The following GRXCR2 variants were observed in gnomAD, a reference collection of about 807,000 sequenced individuals.
The protein encoded by GRXCR2 is glutaredoxin domain-containing cysteine-rich protein 2.
Under a neutral mutation model 24.8 loss-of-function variants are expected in GRXCR2, and 23 were observed. That is an observed-to-expected ratio of 0.93 (90% CI 0.67 to 1.32). GRXCR2 has a LOEUF of 1.32. GRXCR2 is among the 40% of genes most tolerant of loss of function. The pLI is 0.00. For synonymous variants in GRXCR2, 130 were observed against 116.1 expected, an observed-to-expected ratio of 1.12 and a Z score of -0.77; for missense variants, 315 against 303.4, an observed-to-expected ratio of 1.04 and a Z score of -0.28.
At chr5:145,919,467 C>A (rs966588430) in intron 2 of GRXCR2, among the ~76,000 whole-genome samples, 1 of 151,946 alleles carries the variant, frequency 6.6e-6, no homozygotes, top group Admixed American at 6.5e-5. Context: ...GAGGAGATGA[C>A]CCCAGCCCCT....
chr5:145,891,615 T>A (rs1756865605), intron 2 of GRXCR2, among the ~76,000 whole-genome samples: 3 of 151,850 alleles, frequency 2.0e-5, no homozygotes, highest in Non-Finnish European at 4.4e-5. Flanking sequence ...GAGGTTTGAG[T>A]AGGTAAACAA....
At chr5:145,873,741 T>C (rs1756569996), upstream of GRXCR2, among the ~76,000 whole-genome samples, 1 of 152,228 alleles carries the variant, frequency 6.6e-6, no homozygotes, top group South Asian at 2.1e-4. Flanking sequence ...CCAGAGCACC[T>C]CCACTTGGTA....
In GRXCR2 at chr5:145,859,633, G is replaced by A. The variant is rs1313531461; in HGVS notation, c.*100C>T. ...CAGTGGGAGTGACTGCAGCCACTGT[G>A]GCCTCCTTGTTGGGAGAGGCAGGAG... On this transcript the variant is annotated 3_prime_UTR_variant, in exon 3 of 3. Coordinates refer to ENST00000377976, the MANE Select transcript of GRXCR2 (RefSeq NM_001080516.2). The A allele has an allele frequency of 9.4e-7, 1 of 1,064,840 alleles. No homozygotes were observed. 66.0% of individuals were successfully genotyped at this position (1,064,840 alleles called of 1,614,324 possible).
At chr5:145,890,256 AT>A (rs1756845510) in intron 2 of GRXCR2, among the ~76,000 whole-genome samples, 1 of 152,004 alleles carries the variant, frequency 6.6e-6, no homozygotes, top group Admixed American at 6.6e-5. Context: ...TGCCTAGCTA[AT>A]TTTTGTATTT....
At chr5:145,884,189 TAC>T (rs1451821920) in intron 2 of GRXCR2, among the ~76,000 whole-genome samples, 1 of 152,022 alleles carries the variant, frequency 6.6e-6, no homozygotes, top group Non-Finnish European at 1.5e-5. Context: ...TTACAAGAAG[TAC>T]AGAGAATAGA....
intron 2 of GRXCR2, among the ~76,000 whole-genome samples, chr5:145,894,392 T>C (rs1215801543): frequency 1.3e-5 from 2 of 151,922 alleles, no homozygotes; most frequent in African/African-American, 2.4e-5. Context: ...CTAGCAAGAC[T>C]AACAAAGAAG....
intron 2 of GRXCR2, among the ~76,000 whole-genome samples, chr5:145,929,855 A>G (rs930946482): frequency 3.9e-5 from 6 of 152,118 alleles, no homozygotes; most frequent in Non-Finnish European, 7.4e-5. Flanking sequence ...CATTTATGGC[A>G]CAGAAATGGG....
At chr5:145,886,316 C>A (rs569919553) in intron 2 of GRXCR2, among the ~76,000 whole-genome samples, 67 of 152,136 alleles carry the variant, frequency 4.4e-4, no homozygotes, top group Non-Finnish European at 1.2e-4. Context: ...CTTTGAAATG[C>A]CTTTTCCTCA....
intron 2 of GRXCR2, among the ~76,000 whole-genome samples, chr5:145,895,882 T>C (rs1756941154): frequency 1.3e-5 from 2 of 152,154 alleles, no homozygotes; most frequent in Non-Finnish European, 1.5e-5. Flanking sequence ...CTTCAAACTA[T>C]ACTACAAGGC....
chr5:145,928,045 C>A (rs11748973), intron 2 of GRXCR2, among the ~76,000 whole-genome samples: 34,226 of 151,588 alleles, frequency 0.23, 4,302 homozygotes, highest in East Asian at 0.52. Flanking sequence ...TGAACTCAAA[C>A]AAATTTACAA....
At chr5:145,868,195 ATTG>A (rs1321464720) in intron 1 of GRXCR2, among the ~76,000 whole-genome samples, 1 of 152,126 alleles carries the variant, frequency 6.6e-6, no homozygotes, top group Non-Finnish European at 1.5e-5. Flanking sequence ...AACTGTTGCC[ATTG>A]TTATTATTTA....
intron 2 of GRXCR2, among the ~76,000 whole-genome samples, chr5:145,907,484 G>A (rs1757108530): frequency 6.6e-6 from 1 of 151,772 alleles, no homozygotes; most frequent in South Asian, 2.1e-4. Context: ...AGCTGAGATC[G>A]TGCCACTGCA....
At chr5:145,887,516 G>T (rs966406628) in intron 2 of GRXCR2, among the ~76,000 whole-genome samples, 63 of 152,296 alleles carry the variant, frequency 4.1e-4, no homozygotes, top group African/African-American at 1.5e-3. Flanking sequence ...CATTTCGTGG[G>T]TGAGAGGCTA....
chr5:145,900,795 A>G (rs1001165588), intron 2 of GRXCR2, among the ~76,000 whole-genome samples: 2 of 152,216 alleles, frequency 1.3e-5, no homozygotes, highest in African/African-American at 2.4e-5. Flanking sequence ...CTGGGTATAT[A>G]TCTAAAAGAA....
intron 2 of GRXCR2, among the ~76,000 whole-genome samples, chr5:145,890,776 A>G (rs1821251): frequency 0.38 from 57,961 of 151,700 alleles, 11,723 homozygotes; most frequent in East Asian, 0.71. Context: ...TGTTAATATT[A>G]ATTTTGAATG....
At chr5:145,917,283 GTTC>G (rs1012504769) in intron 2 of GRXCR2, among the ~76,000 whole-genome samples, 122 of 151,698 alleles carry the variant, frequency 8.0e-4, no homozygotes, top group African/African-American at 2.9e-3. Flanking sequence ...AGCAATTCTT[GTTC>G]TTCTTTCTCA....
At chr5:145,877,877 A>T (rs1232476651), upstream of GRXCR2, among the ~76,000 whole-genome samples, 2 of 152,256 alleles carry the variant, frequency 1.3e-5, no homozygotes, top group Non-Finnish European at 2.9e-5. Context: ...GTTCTGCAGC[A>T]TCTGCTGGTG....
chr5:145,881,031 A>C (rs1426095034), intron 2 of GRXCR2, among the ~76,000 whole-genome samples: 1 of 152,238 alleles, frequency 6.6e-6, no homozygotes, highest in Admixed American at 6.5e-5. Flanking sequence ...AATGTATCTC[A>C]AAATAATAAG....
At chr5:145,897,482 C>A (rs146698215) in intron 2 of GRXCR2, among the ~76,000 whole-genome samples, 37 of 152,150 alleles carry the variant, frequency 2.4e-4, no homozygotes, top group African/African-American at 7.9e-4. Context: ...TAGATATCTG[C>A]AGAATACTTC....
Sources: gnomAD v4.1 joint callset for allele counts (sites outside exome capture counted in the v4.1 genomes callset) on GRCh38, gnomAD v4.1.1 for gene constraint, MANE v1.5 for transcripts, NCBI Gene and HGNC (gene_info 2026-07-23, HGNC 2026-07-21) for gene names.